Variants in DCN observed in about 807,000 individuals in gnomAD.
DCN encodes bone proteoglycan II.
A neutral mutation model predicts 36.5 loss-of-function variants in DCN; 17 were observed. The ratio of observed to expected loss-of-function variants is 0.47; its 90% confidence interval spans 0.32 to 0.70. DCN has a LOEUF of 0.70. DCN is among the 30% of genes least tolerant of loss of function. The pLI is 0.04. For missense variants in DCN, 389 were observed against 430.1 expected (o/e 0.90, Z 0.84); for synonymous variants, 163 against 161.4 (o/e 1.01, Z -0.07).
chr12:91,179,271 GCT>G (rs1229752843), intron 1 of DCN: 4 of 152,710 alleles, frequency 2.6e-5, no homozygotes, highest in Admixed American at 1.3e-4. Flanking sequence ...TGAATTAATA[GCT>G]CTAGCCACAT....
intron 7 of DCN, among the ~76,000 whole-genome samples, chr12:91,150,602 T>C (rs1300376685): frequency 1.3e-5 from 2 of 152,116 alleles, no homozygotes; most frequent in African/African-American, 2.4e-5. Context: ...TAGATGCTGA[T>C]GAGGCTGTGG....
At chr12:91,153,665 G>T (rs1282019677) in intron 5 of DCN, among the ~76,000 whole-genome samples, 1 of 152,092 alleles carries the variant, frequency 6.6e-6, no homozygotes, top group Non-Finnish European at 1.5e-5. Context: ...CTGATATACT[G>T]TGCTGGTCTT....
At chr12:91,175,769 T>C (rs1223804962) in intron 2 of DCN, 1 of 152,122 alleles carries the variant, frequency 6.6e-6, no homozygotes, top group Non-Finnish European at 1.5e-5. Context: ...TTATTTTCTT[T>C]ATTATAATAA....
intron 2 of DCN, among the ~76,000 whole-genome samples, chr12:91,170,721 G>A (rs3138195): frequency 0.029 from 4,399 of 152,186 alleles, 215 homozygotes; most frequent in African/African-American, 0.1. Context: ...AGAGATGACC[G>A]GAATCTGTAA....
rs1592672218 is a variant in DCN at position 91,143,041 on chromosome 12, T to C, written c.*3017A>G. 1 of 152,118 alleles carries C rather than the reference T, an allele frequency of 6.6e-6. No individual in the cohort carries two copies. The highest frequency in any genetic ancestry group is 2.4e-5 in the African/African-American group (1 of 41,394). 9.4% of individuals were successfully genotyped at this position (152,118 alleles called of 1,614,324 possible). A position where few individuals can be genotyped will look rare whatever the true frequency, so the allele number is the denominator to read the frequency against. On this transcript the variant is annotated 3_prime_UTR_variant, in exon 8 of 8. Transcript: ENST00000052754. ...AGCCTTAATCCAATATAACTCATGTTCATAGAAGAAGAAGAGAAAAGACAC... is the reference window on the plus strand; with the variant it reads ...AGCCTTAATCCAATATAACTCATGTCCATAGAAGAAGAAGAGAAAAGACAC...
intron 5 of DCN, among the ~76,000 whole-genome samples, chr12:91,155,145 ATAGT>A (rs1363657220): frequency 6.6e-6 from 1 of 152,204 alleles, no homozygotes; most frequent in African/African-American, 2.4e-5. Flanking sequence ...ACAGAGTGAA[ATAGT>A]TAAACACACG....
chr12:91,161,975 C>T (rs1048109491), intron 3 of DCN, among the ~76,000 whole-genome samples: 32 of 149,102 alleles, frequency 2.1e-4, no homozygotes, highest in Non-Finnish European at 3.5e-4. Flanking sequence ...GAGTCTCACT[C>T]TGTCACCAGG....
rs1252045002 is a variant in DCN at position 91,169,231 on chromosome 12, T to TGTTGC, written c.212-4515_212-4514insGCAAC. 1.8e-3 allele frequency among the ~76,000 whole-genome samples: 266 copies of TGTTGC among 151,656 alleles called. 1 individual carries two copies. The highest frequency in any genetic ancestry group is 6.2e-3 in the African/African-American group (256 of 41,348). On this transcript the variant is annotated intron_variant, in intron 2 of 7. Coordinates refer to ENST00000052754, the MANE Select transcript of DCN (RefSeq NM_001920.5). ...GGGCAACATAGCAAGACCCCATCTT[T>TGTTGC]ACAAAAAATTAGCTGAGCATGGTGG...
At chr12:91,152,784 A>G (rs1471843721) in intron 6 of DCN, among the ~76,000 whole-genome samples, 1 of 152,168 alleles carries the variant, frequency 6.6e-6, no homozygotes, top group East Asian at 1.9e-4. Flanking sequence ...GTTTGATGCA[A>G]ATAAGTTAGA....
In DCN at chr12:91,164,184, G is replaced by A. The variant is rs112040135; in HGVS notation, c.324+421C>T. 2.0e-5 allele frequency among the ~76,000 whole-genome samples: 3 copies of A among 152,052 alleles called. 1 individual carries two copies. Among genetic ancestry groups the A allele is most frequent in the African/African-American group, 7.2e-5 (3 of 41,442 alleles). Reference sequence around the variant, plus strand: ...TGAACAATGAGATCACATGGACACAGGAAGGGGAATATCACACTCTGGGGA... The same window carrying A: ...TGAACAATGAGATCACATGGACACAAGAAGGGGAATATCACACTCTGGGGA... On this transcript the variant is annotated intron_variant, in intron 3 of 7. Coordinates refer to ENST00000052754, the MANE Select transcript of DCN (RefSeq NM_001920.5).
At chr12:91,152,286 TAC>T (rs1881480543) in intron 6 of DCN, among the ~76,000 whole-genome samples, 1 of 149,532 alleles carries the variant, frequency 6.7e-6, no homozygotes, top group African/African-American at 2.6e-5. Context: ...GAGTTGATTA[TAC>T]ACACACACAT....
chr12:91,177,457 TTTTTC>T, intron 2 of DCN: 1 of 643,364 alleles, frequency 1.6e-6, no homozygotes, highest in Non-Finnish European at 2.8e-6. Flanking sequence ...TAAAGATTTT[TTTTTC>T]TTTTCATCTC....
intron 2 of DCN, among the ~76,000 whole-genome samples, chr12:91,173,743 T>C (rs1304533060): frequency 6.6e-6 from 1 of 152,196 alleles, no homozygotes; most frequent in Non-Finnish European, 1.5e-5. Context: ...TAGTCCTAAT[T>C]TATTTTTCTG....
intron 3 of DCN, among the ~76,000 whole-genome samples, 193 bp downstream of exon 3, chr12:91,164,412 A>G (rs548310691): frequency 3.7e-4 from 53 of 143,202 alleles, no homozygotes; most frequent in South Asian, 1.6e-3. Flanking sequence ...AAAAAAAAAA[A>G]AAAAAGAAAA....
At chr12:91,181,413 A>G (rs568191137) in intron 1 of DCN, among the ~76,000 whole-genome samples, 1 of 152,178 alleles carries the variant, frequency 6.6e-6, no homozygotes, top group African/African-American at 2.4e-5. Context: ...TCAGAAATAT[A>G]AAGAGCAAAG....
chr12:91,159,122 T>C (rs1314822143), intron 3 of DCN, among the ~76,000 whole-genome samples: 9 of 152,120 alleles, frequency 5.9e-5, no homozygotes, highest in African/African-American at 1.9e-4. Context: ...TTTTAAATAA[T>C]AAATACTGCT....
intron 2 of DCN, chr12:91,175,969 C>T (rs968447591): frequency 1.3e-5 from 2 of 151,976 alleles, no homozygotes; most frequent in African/African-American, 2.4e-5. Context: ...GTACCTCACA[C>T]GATTAATAGG....
rs1228735119 is a variant in DCN, at chr12:91,145,572, T to G, written c.*486A>C. The G allele has an allele frequency of 6.0e-6, 1 of 166,140 alleles. No homozygotes were observed. The highest frequency in any genetic ancestry group is 2.4e-5 in the African/African-American group (1 of 41,592). 10.3% of individuals were successfully genotyped at this position (166,140 alleles called of 1,614,324 possible). On this transcript the variant is annotated 3_prime_UTR_variant, in exon 8 of 8. Transcript: ENST00000052754. ...ATTTATTTTTTCAAAATAATGACAT[T>G]AGTAAAAATTTTACATAGCCTGTAT...
At chr12:91,159,657 A>AT (rs1267924406) in intron 3 of DCN, among the ~76,000 whole-genome samples, 3 of 151,702 alleles carry the variant, frequency 2.0e-5, no homozygotes, top group Non-Finnish European at 4.4e-5. Context: ...TAATTATTTG[A>AT]TTTTTATTTC....
Sources: gnomAD v4.1 joint callset for allele counts (sites outside exome capture counted in the v4.1 genomes callset) on GRCh38, gnomAD v4.1.1 for gene constraint, MANE v1.5 for transcripts, NCBI Gene and HGNC (gene_info 2026-07-23, HGNC 2026-07-21) for gene names.